Variants in CAPN9 observed in about 807,000 individuals in gnomAD.
CAPN9 encodes calpain-9.
A neutral mutation model predicts 92.8 loss-of-function variants in CAPN9; 81 were observed. The observed-to-expected ratio is 0.87, with a 90% confidence interval of 0.73 to 1.05. The LOEUF is 1.05. Among genes scored for constraint, CAPN9 ranks in the 50% least tolerant of loss-of-function variants. CAPN9 has a pLI of 0.00. For synonymous variants in CAPN9, 304 were observed against 328.0 expected, an observed-to-expected ratio of 0.93 and a Z score of 0.79; for missense variants, 848 against 866.2, an observed-to-expected ratio of 0.98 and a Z score of 0.26.
chr1:230,772,214 A>G, intron 7 of CAPN9, 115 bp downstream of exon 7: 1 of 861,160 alleles, frequency 1.2e-6, no homozygotes, highest in Non-Finnish European at 1.9e-6. Flanking sequence ...GCTCTGACTC[A>G]GGATCCTGTC....
At chr1:230,767,337 C>G (rs28359643) in intron 4 of CAPN9, among the ~76,000 whole-genome samples, 2,236 of 152,242 alleles carry the variant, frequency 0.015, 55 homozygotes, top group East Asian at 0.083. Context: ...CACTGCCTCC[C>G]TTGCAGGAAG....
At chr1:230,768,325 T>A (rs1469686505) in intron 5 of CAPN9, among the ~76,000 whole-genome samples, 1 of 152,092 alleles carries the variant, frequency 6.6e-6, no homozygotes, top group African/African-American at 2.4e-5. Flanking sequence ...GATGGAACAA[T>A]CTTGAGGCCC....
In CAPN9 at chr1:230,772,021, T is replaced by G; in HGVS notation, c.797T>G (p.Phe266Cys). The change falls in exon 7 of 20, where the codon TTC becomes TGC. Residue 266 changes from phenylalanine to cysteine, a missense_variant. Coordinates refer to ENST00000271971, the MANE Select transcript of CAPN9 (RefSeq NM_006615.3). ...CATGCTTTTCCCTTCTAGGTAAGCT[T>G]CCGAGGCCAGAGAATCGAGCTCATC... ...YSVTGIDQVS[F>C]RGQRIELIRI... 6.2e-7 allele frequency: 1 copy of G among 1,614,170 alleles called. No individual in the cohort carries two copies. The highest frequency in any genetic ancestry group is 8.5e-7 in the Non-Finnish European group (1 of 1,179,966).
At chr1:230,749,399 G>A (rs985301949) in intron 1 of CAPN9, among the ~76,000 whole-genome samples, 1 of 152,234 alleles carries the variant, frequency 6.6e-6, no homozygotes, top group Non-Finnish European at 1.5e-5. Flanking sequence ...GAGGGGCACC[G>A]CCCACGACCA....
rs1666612901 is a variant in CAPN9 at position 230,774,580 on chromosome 1, C to T, written c.902C>T (p.Pro301Leu). 6.2e-7 allele frequency: 1 copy of T among 1,613,774 alleles called. No homozygotes were observed. Among genetic ancestry groups the T allele is most frequent in the African/African-American group, 1.3e-5 (1 of 74,864 alleles). ...TCTCCGGAGTGGCGTTCTGTTGGTC[C>T]AGCTGAGCAGAAGCGTCTGTGTCAC... The part of the protein sequence containing the change: ...DSSPEWRSVG[P>L]AEQKRLCHTA... The change falls in exon 8 of 20, where the codon CCA becomes CTA. Residue 301 changes from proline (P) to leucine (L), a missense_variant. Transcript: ENST00000271971.
Position 230,792,839 on chromosome 1 carries a change from C to A in CAPN9, c.1792-11C>A. 4 of 1,612,412 alleles carry A rather than the reference C, an allele frequency of 2.5e-6. No homozygotes were observed. The highest frequency in any genetic ancestry group is 3.4e-6 in the Non-Finnish European group (4 of 1,178,538). On this transcript the variant is annotated splice_polypyrimidine_tract_variant and intron_variant, in intron 16 of 19. Transcript: ENST00000271971. ...CGCTCCTTCTCAAGGCTTCTGCTCT[C>A]CACCCTTTAGAACCTTTTCCTTCGG...
intron 1 of CAPN9, among the ~76,000 whole-genome samples, chr1:230,748,049 CTG>C (rs1664540109): frequency 6.6e-6 from 1 of 152,200 alleles, no homozygotes; most frequent in Non-Finnish European, 1.5e-5. Flanking sequence ...GGCCCCCACC[CTG>C]TGTGTGGTAA....
At chr1:230,755,290 C>T (rs2102837035) in intron 1 of CAPN9, 47 bp from the exon 2 acceptor site, 1 of 1,455,300 alleles carries the variant, frequency 6.9e-7, no homozygotes, top group Non-Finnish European at 9.6e-7. Context: ...TTCATAGTGG[C>T]TTGCAGCATG....
At chr1:230,763,467 A>G (rs1306550967) in intron 4 of CAPN9, among the ~76,000 whole-genome samples, 1 of 152,218 alleles carries the variant, frequency 6.6e-6, no homozygotes, top group African/African-American at 2.4e-5. Flanking sequence ...TATCTAGTCT[A>G]GGAACCTCAT....
At chr1:230,794,362 TC>T (rs958842248) in intron 17 of CAPN9, among the ~76,000 whole-genome samples, 5 of 152,018 alleles carry the variant, frequency 3.3e-5, no homozygotes, top group African/African-American at 1.2e-4. Flanking sequence ...GTGCCTGTAG[TC>T]CCAGCTACTC....
chr1:230,780,740 C>G (rs1320317288), intron 11 of CAPN9, 32 bp downstream of exon 11: 1 of 1,577,854 alleles, frequency 6.3e-7, no homozygotes, highest in African/African-American at 1.3e-5. Context: ...CAGAATCCCA[C>G]TTCTTTTAGT....
At chr1:230,749,035 C>T (rs1000487457) in intron 1 of CAPN9, among the ~76,000 whole-genome samples, 15 of 152,010 alleles carry the variant, frequency 9.9e-5, no homozygotes, top group African/African-American at 2.7e-4. Flanking sequence ...TATGCATAGG[C>T]GTGTATGTGG....
intron 1 of CAPN9, among the ~76,000 whole-genome samples, chr1:230,750,244 T>C (rs747313691): frequency 4.6e-5 from 7 of 152,170 alleles, no homozygotes; most frequent in Non-Finnish European, 8.8e-5. Context: ...GTACCAGCCC[T>C]CTGTCCCTTC....
intron 9 of CAPN9, 138 bp downstream of exon 9, chr1:230,779,271 G>T: frequency 1.3e-6 from 1 of 761,688 alleles, no homozygotes; most frequent in Non-Finnish European, 2.1e-6. Context: ...AAAAAAGGCT[G>T]CAAAGATTTA....
chr1:230,771,981 A>G (rs1177688607), intron 6 of CAPN9, 33 bp from the exon 7 acceptor site: 15 of 1,580,388 alleles, frequency 9.5e-6, no homozygotes, highest in Non-Finnish European at 1.3e-5. Context: ...CATATTTATC[A>G]TTTCACACTT....
At chr1:230,792,779 AC>A in intron 16 of CAPN9, 70 bp from the exon 17 acceptor site, 1 of 1,308,908 alleles carries the variant, frequency 7.6e-7, no homozygotes. Flanking sequence ...GCTGGCTGTC[AC>A]CCATTTACTG....
chr1:230,792,354 C>A (rs1668046797), intron 15 of CAPN9, 72 bp from the exon 16 acceptor site: 1 of 1,331,496 alleles, frequency 7.5e-7, no homozygotes, highest in South Asian at 1.2e-5. Context: ...CTCTGCAGTC[C>A]CAGAGCTGAG....
chr1:230,801,780 C>T lies in CAPN9; in HGVS notation c.*184C>T. ...CTCAGCTACACTCTCTGATTTTGTG[C>T]TACTCCTTTGTAAAGTCACTGCCTT... is the stretch of plus-strand genomic sequence containing the variant. On this transcript the variant is annotated 3_prime_UTR_variant, in exon 20 of 20. Transcript: ENST00000271971. 1 of 647,560 alleles carries T rather than the reference C, an allele frequency of 1.5e-6. No homozygotes were observed. The highest frequency in any genetic ancestry group is 2.8e-6 in the Non-Finnish European group (1 of 359,948). The allele number at this position is 647,560 out of a possible 1,614,324, so 40.1% of individuals were successfully genotyped here.
intron 8 of CAPN9, among the ~76,000 whole-genome samples, chr1:230,777,448 T>A (rs1251534616): frequency 1.3e-5 from 2 of 152,114 alleles, no homozygotes; most frequent in East Asian, 3.9e-4. Context: ...AGCTCTAGGA[T>A]GTACCTCCTG....
Sources: gnomAD v4.1 joint callset for allele counts (sites outside exome capture counted in the v4.1 genomes callset) on GRCh38, gnomAD v4.1.1 for gene constraint, MANE v1.5 for transcripts, NCBI Gene and HGNC (gene_info 2026-07-23, HGNC 2026-07-21) for gene names.